Variants in HDGFL2 observed in about 807,000 individuals in gnomAD.
HDGFL2 encodes the protein HDGF like 2, also known as hepatoma-derived growth factor-related protein 2.
In HDGFL2, 36 loss-of-function variants were observed where a neutral mutation model predicts 77.1. That is an observed-to-expected ratio of 0.47 (90% CI 0.36 to 0.62). The LOEUF (loss-of-function observed/expected upper bound fraction) is 0.62. Ranked by LOEUF, HDGFL2 falls within the 20% of genes least tolerant of loss-of-function variation. The pLI is 0.00. For missense variants in HDGFL2, 976 were observed against 973.4 expected (o/e 1.00, Z -0.04); for synonymous variants, 463 against 413.1 (o/e 1.12, Z -1.46).
chr19:4,487,320 G>A (rs1975388635), intron 3 of HDGFL2, among the ~76,000 whole-genome samples: 2 of 151,932 alleles, frequency 1.3e-5, no homozygotes, highest in South Asian at 4.2e-4. Context: ...GCAGTGGTGT[G>A]ATCATAGCTC....
At chr19:4,477,041 G>T (rs1340986216) in intron 3 of HDGFL2, among the ~76,000 whole-genome samples, 1 of 152,128 alleles carries the variant, frequency 6.6e-6, no homozygotes, top group Non-Finnish European at 1.5e-5. Flanking sequence ...GGCAGGAGGG[G>T]CCCAGCCTTT....
At chr19:4,496,467 C>G in intron 10 of HDGFL2, 62 bp downstream of exon 10, 1 of 1,262,414 alleles carries the variant, frequency 7.9e-7, no homozygotes. Flanking sequence ...CCCCACAACC[C>G]TCACCCCTCA....
At chr19:4,500,144 C>T (rs1975820360) in intron 14 of HDGFL2, among the ~76,000 whole-genome samples, 1 of 152,178 alleles carries the variant, frequency 6.6e-6, no homozygotes, top group Admixed American at 6.5e-5. Flanking sequence ...GAGGTGTGAC[C>T]CTCGGGGCTG....
intron 4 of HDGFL2, 55 bp from the exon 5 acceptor site, chr19:4,491,511 C>T: frequency 1.3e-6 from 2 of 1,516,364 alleles, no homozygotes; most frequent in Non-Finnish European, 9.1e-7. Flanking sequence ...CTGGGGGCTT[C>T]CTGCCAGGAG....
Position 4,494,171 on chromosome 19 carries a change from G to T in HDGFL2, c.920G>T (p.Ser307Ile). ...ACCGCCCCCTCCGCCTCCAGTGACA[G>T]CGACGAGGTGGACCGCATCAGTGAG... ...PPSSSSSDSD[S>I]DEVDRISEWK... The change falls in exon 9 of 16, where the codon AGC (serine) becomes ATC (isoleucine). Residue 307 changes from serine to isoleucine, a missense_variant. Around this residue, in one of 5 missense-constraint regions of HDGFL2, gnomAD observed 567 missense variants for 534.7 expected, o/e 1.06. Transcript: ENST00000616600. 1.3e-6 allele frequency: 2 copies of T among 1,493,434 alleles called. No individual in the cohort carries two copies. The highest frequency in any genetic ancestry group is 1.8e-6 in the Non-Finnish European group (2 of 1,124,084). The allele number at this position is 1,493,434 out of a possible 1,614,324, so 92.5% of individuals were successfully genotyped here. A position where few individuals can be genotyped will look rare whatever the true frequency, so the allele number is the denominator to read the frequency against.
rs374679406 is a variant in HDGFL2 at position 4,492,383 on chromosome 19, C to CTG, written c.678+561_678+562dup. 6.6e-5 allele frequency among the ~76,000 whole-genome samples: 10 copies of CTG among 150,948 alleles called. 1 individual carries two copies. The highest frequency in any genetic ancestry group is 2.1e-4 in the South Asian group (1 of 4,766). ...TGCCTGTGTCCCTGTGCCTGTATGC[C>CTG]TGTGTGTGTGTGTGCTGTACCTCTC... On this transcript the variant is annotated intron_variant, in intron 6 of 15. Transcript: ENST00000616600.
rs1471636302 is a variant in HDGFL2 at position 4,499,782 on chromosome 19, A to G, written c.1789+78A>G. On this transcript the variant is annotated intron_variant, in intron 14 of 15. Coordinates refer to ENST00000616600, the MANE Select transcript of HDGFL2 (RefSeq NM_001001520.3). The stretch of plus-strand genomic sequence containing the variant: ...CAGATGCTTTGCAGAACATTCCAGA[A>G]GGGGAGTACAGCTCTACTCTCTGCC... 4.4e-6 allele frequency: 5 copies of G among 1,145,056 alleles called. No homozygotes were observed. The Admixed American group carries it at 9.4e-5, about 21-fold the overall frequency. The allele number at this position is 1,145,056 out of a possible 1,614,324, so 70.9% of individuals were successfully genotyped here.
intron 9 of HDGFL2, among the ~76,000 whole-genome samples, 197 bp downstream of exon 9, chr19:4,494,672 C>A (rs1975654703): frequency 1.3e-5 from 2 of 152,196 alleles, no homozygotes; most frequent in South Asian, 4.1e-4. Flanking sequence ...GTTATCCCAG[C>A]ACTTTGGGCA....
intron 9 of HDGFL2, among the ~76,000 whole-genome samples, chr19:4,495,163 G>A (rs1426991581): frequency 1.3e-5 from 2 of 152,072 alleles, no homozygotes; most frequent in Admixed American, 6.6e-5. Context: ...CAAGGCGGGT[G>A]GATCACGAGG....
At chr19:4,496,491 A>G in intron 10 of HDGFL2, 86 bp downstream of exon 10, 5 of 1,009,632 alleles carry the variant, frequency 5.0e-6, no homozygotes, top group Non-Finnish European at 7.6e-6. Context: ...GGGCAGCCCC[A>G]CCTCTGAGTT....
intron 3 of HDGFL2, among the ~76,000 whole-genome samples, chr19:4,478,913 G>C (rs920964518): frequency 6.6e-6 from 1 of 151,302 alleles, no homozygotes; most frequent in Non-Finnish European, 1.5e-5. Context: ...TCGAACTCCT[G>C]ACCTCATGAT....
At chr19:4,480,985 T>C (rs1319835545) in intron 3 of HDGFL2, among the ~76,000 whole-genome samples, 3 of 149,708 alleles carry the variant, frequency 2.0e-5, no homozygotes, top group Non-Finnish European at 3.0e-5. Context: ...GCCTCCCTAG[T>C]AGGTGGGATT....
chr19:4,476,549 A>G (rs1975077967), intron 3 of HDGFL2, among the ~76,000 whole-genome samples: 1 of 151,576 alleles, frequency 6.6e-6, no homozygotes, highest in Admixed American at 6.6e-5. Flanking sequence ...TTATTTTCTT[A>G]GGAAAAGACG....
intron 6 of HDGFL2, among the ~76,000 whole-genome samples, chr19:4,493,112 GTTGTCTGTGTGTGGTGTGTGTGTT>G (rs1475589210): frequency 1.4e-5 from 2 of 141,018 alleles, no homozygotes; most frequent in Non-Finnish European, 3.1e-5. Context: ...TGGTGTGTGT[GTTGTCTGTGTGTGGTGTGTGTGTT>G]ATCTGTGTCT....
chr19:4,501,426 G>A (rs1975879848), intron 15 of HDGFL2, 109 bp downstream of exon 15: 12 of 1,328,366 alleles, frequency 9.0e-6, no homozygotes, highest in Non-Finnish European at 1.1e-5. Flanking sequence ...TGGGTCCCAG[G>A]GATGTCGTCC....
Position 4,501,941 on chromosome 19 carries a change from G to T in HDGFL2, c.1947G>T (p.Arg649Ser). ...TACGGGAGGGTCCCGACCTGGACAG[G>T]CCTGGGAGCGACCGGCAGGAGCGCG... ...DSVREGPDLD[R>S]PGSDRQERER... The change falls in exon 16 of 16, where the codon AGG becomes AGT. Residue 649 changes from arginine (R) to serine (S), a missense_variant. Coordinates refer to ENST00000616600, the MANE Select transcript of HDGFL2 (RefSeq NM_001001520.3). The T allele has an allele frequency of 1.3e-6, 2 of 1,498,176 alleles. No individual in the cohort carries two copies. Among genetic ancestry groups the T allele is most frequent in the South Asian group, 2.6e-5 (2 of 76,810 alleles). 92.8% of individuals were successfully genotyped at this position (1,498,176 alleles called of 1,614,324 possible).
intron 15 of HDGFL2, 176 bp downstream of exon 15, chr19:4,501,493 C>A: frequency 1.5e-6 from 1 of 677,460 alleles, no homozygotes; most frequent in Non-Finnish European, 2.3e-6. Flanking sequence ...CTGGCACTTC[C>A]GGCGGCCCCT....
rs774797413 is a variant in HDGFL2 at position 4,498,894 on chromosome 19, C to T, written c.1554C>T (p.Asp518=). Residue 518 remains aspartate, a synonymous_variant, in exon 13 of 16, where the codon GAC becomes GAT. Coordinates refer to ENST00000616600, the MANE Select transcript of HDGFL2 (RefSeq NM_001001520.3). ...VTSQILQKNT[D]VVATLKKIRR... ...CTCAGATCCTCCAGAAGAACACAGACGTGGTGGCCACCTTGAAGAAGGTAT... is the reference window on the plus strand; with the variant it reads ...CTCAGATCCTCCAGAAGAACACAGATGTGGTGGCCACCTTGAAGAAGGTAT... The T allele has an allele frequency of 7.5e-6, 12 of 1,610,442 alleles. No homozygotes were observed. The highest frequency in any genetic ancestry group is 2.2e-5 in the South Asian group (2 of 90,588).
In HDGFL2 at chr19:4,472,325, C is replaced by A; in HGVS notation, c.-26C>A. Reference sequence around the variant, plus strand: ...CGCTACCGCCGCTGCAGCCGCTTTCCGCGGCCTGGGCCTCTCGCCGTCAGC... The same window carrying A: ...CGCTACCGCCGCTGCAGCCGCTTTCAGCGGCCTGGGCCTCTCGCCGTCAGC... On this transcript the variant is annotated 5_prime_UTR_variant, in exon 1 of 16. Transcript: ENST00000616600. 4.7e-6 allele frequency: 7 copies of A among 1,476,734 alleles called. No individual in the cohort carries two copies. Among genetic ancestry groups the A allele is most frequent in the Non-Finnish European group, 5.4e-6 (6 of 1,113,898 alleles). 91.5% of individuals were successfully genotyped at this position (1,476,734 alleles called of 1,614,324 possible). A position where few individuals can be genotyped will look rare whatever the true frequency, so the allele number is the denominator to read the frequency against.
Sources: allele counts gnomAD v4.1 joint callset (sites outside exome capture counted in the v4.1 genomes callset), GRCh38; gene constraint gnomAD v4.1.1; regional missense constraint gnomAD v4.1.1; transcripts MANE v1.5; gene names NCBI Gene and HGNC (gene_info 2026-07-23, HGNC 2026-07-21).